The following SLC38A12 variants were observed in gnomAD, a reference collection of about 807,000 sequenced individuals.
The protein encoded by SLC38A12 is solute carrier family 38 member 12.
the SLC38A12 span, among the ~76,000 whole-genome samples, chr17:74,800,099 T>C: frequency 1.3e-5 from 2 of 152,250 alleles, no homozygotes; most frequent in Non-Finnish European, 2.9e-5. Flanking sequence ...CTCAGCTCTT[T>C]GGCCTCTCAG....
At chr17:74,821,030 C>G in the SLC38A12 span, among the ~76,000 whole-genome samples, 1 of 152,232 alleles carries the variant, frequency 6.6e-6, no homozygotes, top group Admixed American at 6.5e-5. Context: ...CGCCTCGCCC[C>G]TCTGGGAGCA....
the SLC38A12 span, among the ~76,000 whole-genome samples, chr17:74,819,216 C>T: frequency 6.6e-6 from 1 of 152,222 alleles, no homozygotes; most frequent in Non-Finnish European, 1.5e-5. Context: ...AAAAACGTGG[C>T]CCATGCACAT....
the SLC38A12 span, among the ~76,000 whole-genome samples, chr17:74,792,012 G>C: frequency 6.6e-6 from 1 of 152,058 alleles, no homozygotes; most frequent in African/African-American, 2.4e-5. Flanking sequence ...CGGGCATGGT[G>C]GCAGGCGCCT....
chr17:74,838,405 C>T, the SLC38A12 span: 1 of 1,007,548 alleles, frequency 9.9e-7, no homozygotes, highest in Middle Eastern at 5.1e-4. Flanking sequence ...TCTGGAACTA[C>T]CCTTCTCCAA....
At chr17:74,788,615 A>T in the SLC38A12 span, among the ~76,000 whole-genome samples, 1 of 152,238 alleles carries the variant, frequency 6.6e-6, no homozygotes, top group Non-Finnish European at 1.5e-5. Flanking sequence ...ATAGACAGCA[A>T]CGTCAAAGCA....
chr17:74,822,770 C>T, the SLC38A12 span, among the ~76,000 whole-genome samples: 1 of 152,190 alleles, frequency 6.6e-6, no homozygotes, highest in African/African-American at 2.4e-5. Flanking sequence ...TCCCCAGCAG[C>T]CAGCACTGGA....
chr17:74,822,239 T>A, the SLC38A12 span, among the ~76,000 whole-genome samples: 1 of 152,162 alleles, frequency 6.6e-6, no homozygotes, highest in Admixed American at 6.5e-5. Context: ...CTGGAAGGCG[T>A]CTGGGGACAG....
the SLC38A12 span, chr17:74,838,824 T>G: frequency 1.1e-5 from 16 of 1,521,682 alleles, no homozygotes; most frequent in Non-Finnish European, 1.4e-5. Flanking sequence ...CCGGCACGTT[T>G]CACTGCAGCC....
At chr17:74,789,784 G>A in the SLC38A12 span, among the ~76,000 whole-genome samples, 1 of 146,754 alleles carries the variant, frequency 6.8e-6, no homozygotes, top group Non-Finnish European at 1.5e-5. Flanking sequence ...GGCAGAGGTT[G>A]CAGTGAGTTG....
the SLC38A12 span, chr17:74,790,271 A>G: frequency 6.2e-7 from 1 of 1,614,068 alleles, no homozygotes; most frequent in Non-Finnish European, 8.5e-7. Context: ...ACGAGCGGGC[A>G]GAGAAGCGGC....
At chr17:74,803,394 C>T in the SLC38A12 span, among the ~76,000 whole-genome samples, 1 of 152,244 alleles carries the variant, frequency 6.6e-6, no homozygotes, top group South Asian at 2.1e-4. Context: ...ATCCACATCC[C>T]TGAGCTGGGA....
the SLC38A12 span, chr17:74,777,397 T>G: frequency 6.2e-7 from 1 of 1,608,124 alleles, no homozygotes; most frequent in East Asian, 2.3e-5. Context: ...TTATAGAACC[T>G]TTTGCTCACT....
chr17:74,825,658 A>G, the SLC38A12 span, among the ~76,000 whole-genome samples: 1 of 152,192 alleles, frequency 6.6e-6, no homozygotes, highest in Non-Finnish European at 1.5e-5. Context: ...CAGCTACCAG[A>G]CAAAGACTCC....
At chr17:74,777,498 A>G in the SLC38A12 span, 2 of 1,560,364 alleles carry the variant, frequency 1.3e-6, no homozygotes, top group Non-Finnish European at 1.7e-6. Context: ...TGGAAGCAGG[A>G]TGGGGGAGTT....
chr17:74,794,897 C>CA, the SLC38A12 span: 1 of 845,320 alleles, frequency 1.2e-6, no homozygotes, highest in Non-Finnish European at 1.9e-6. Context: ...GTAAACAGCT[C>CA]AGAGAACTGA....
the SLC38A12 span, chr17:74,790,225 C>A: frequency 1.2e-6 from 2 of 1,614,142 alleles, no homozygotes; most frequent in South Asian, 2.2e-5. Flanking sequence ...GACTCCTCCA[C>A]AGCCTCAGAC....
chr17:74,785,109 C>G, the SLC38A12 span, among the ~76,000 whole-genome samples: 3 of 152,140 alleles, frequency 2.0e-5, no homozygotes, highest in African/African-American at 2.4e-5. Context: ...CAGCATTATG[C>G]GCTCACCTTT....
chr17:74,793,284 TG>T, the SLC38A12 span, among the ~76,000 whole-genome samples: 7 of 152,286 alleles, frequency 4.6e-5, 1 homozygote, highest in South Asian at 1.0e-3. Context: ...CTCTGCCTGC[TG>T]GTTGCCAGTA....
the SLC38A12 span, chr17:74,838,013 C>T: frequency 3.2e-5 from 32 of 985,726 alleles, no homozygotes; most frequent in Non-Finnish European, 3.9e-5. Flanking sequence ...TGTATCTCAG[C>T]GTCTTCAGAC....
Sources: gnomAD v4.1 joint callset for allele counts (sites outside exome capture counted in the v4.1 genomes callset) on GRCh38, gnomAD v4.1.1 for gene constraint, MANE v1.5 for transcripts, NCBI Gene and HGNC (gene_info 2026-07-23, HGNC 2026-07-21) for gene names.